The following TEX48 variants were observed in gnomAD, a reference collection of about 807,000 sequenced individuals.
TEX48 encodes the protein testis-expressed protein 48.
TEX48 carries 10 observed loss-of-function variants against 13.2 expected under a neutral mutation model. That is an observed-to-expected ratio of 0.75 (90% CI 0.47 to 1.28). TEX48 has a LOEUF of 1.28. Ranked by LOEUF, TEX48 falls within the 50% of genes most tolerant of loss-of-function variation. The pLI is 0.00. For missense variants in TEX48, 116 were observed against 139.4 expected (o/e 0.83, Z 0.84); for synonymous variants, 45 against 52.3 (o/e 0.86, Z 0.60).
chr9:114,676,443 A>G (rs570777293), intron 1 of TEX48, among the ~76,000 whole-genome samples: 1 of 151,410 alleles, frequency 6.6e-6, no homozygotes, highest in African/African-American at 2.4e-5. Flanking sequence ...GTGCTGGGTT[A>G]TAGGCTTGAG....
intron 1 of TEX48, among the ~76,000 whole-genome samples, chr9:114,680,347 G>A (rs747141317): frequency 2.6e-5 from 4 of 151,894 alleles, no homozygotes; most frequent in East Asian, 1.9e-4. Context: ...GGCTGGTCTC[G>A]AACTCCTGAC....
chr9:114,672,294 T>C (rs1827964253), intron 1 of TEX48, among the ~76,000 whole-genome samples: 1 of 152,220 alleles, frequency 6.6e-6, no homozygotes, highest in Admixed American at 6.5e-5. Flanking sequence ...TCCATGCTTT[T>C]TTCTGTGTCT....
At chr9:114,671,633 C>A in intron 2 of TEX48, 87 bp downstream of exon 2, 1 of 1,530,240 alleles carries the variant, frequency 6.5e-7, no homozygotes, top group South Asian at 1.2e-5. Context: ...ATACTCCTCC[C>A]CTCTCCCAAA....
chr9:114,671,300 A>C, intron 3 of TEX48, 83 bp downstream of exon 3: 3 of 1,465,358 alleles, frequency 2.0e-6, no homozygotes, highest in Non-Finnish European at 2.7e-6. Flanking sequence ...TGATGAAGGC[A>C]GTTTGGGGGT....
At chr9:114,676,313 A>C (rs895947650) in intron 1 of TEX48, among the ~76,000 whole-genome samples, 1 of 151,484 alleles carries the variant, frequency 6.6e-6, no homozygotes, top group African/African-American at 2.4e-5. Context: ...ACAGGCTCGC[A>C]CTACCATGCC....
chr9:114,674,665 C>CTTT (rs1828028205), intron 1 of TEX48, among the ~76,000 whole-genome samples: 4 of 44,306 alleles, frequency 9.0e-5, no homozygotes, highest in Non-Finnish European at 1.7e-4. Flanking sequence ...TTCCTTCCTT[C>CTTT]CTTCTTTCCT....
intron 1 of TEX48, among the ~76,000 whole-genome samples, chr9:114,675,148 A>T (rs928289323): frequency 1.2e-4 from 18 of 152,152 alleles, no homozygotes; most frequent in African/African-American, 4.3e-4. Context: ...TTGTAGAATA[A>T]AAATTGAGGG....
chr9:114,678,443 T>C (rs1050490926), intron 1 of TEX48, among the ~76,000 whole-genome samples: 1 of 152,200 alleles, frequency 6.6e-6, no homozygotes, highest in Admixed American at 6.5e-5. Context: ...AATAGAATCT[T>C]CCCAAATTTC....
intron 1 of TEX48, among the ~76,000 whole-genome samples, chr9:114,678,838 C>CAA (rs34355690): frequency 0.031 from 2,169 of 70,638 alleles, 81 homozygotes; most frequent in African/African-American, 0.077. Flanking sequence ...GATCCTGACT[C>CAA]AAAAAAAAAA....
intron 1 of TEX48, among the ~76,000 whole-genome samples, chr9:114,673,054 C>T (rs907417271): frequency 1.3e-5 from 2 of 152,024 alleles, no homozygotes; most frequent in African/African-American, 4.8e-5. Context: ...ATAACATACG[C>T]GCGTTACTGG....
At chr9:114,674,058 G>A (rs756744627) in intron 1 of TEX48, among the ~76,000 whole-genome samples, 6 of 152,038 alleles carry the variant, frequency 3.9e-5, no homozygotes, top group Non-Finnish European at 8.8e-5. Context: ...CTCCCACATT[G>A]GCCTCAAAAG....
rs1001290849 is a variant in TEX48 at position 114,672,357 on chromosome 9, T to C, written c.-104-530A>G. Among the ~76,000 whole-genome samples the C allele has an allele frequency of 2.7e-4, 41 of 152,210 alleles. 1 individual carries two copies. The highest frequency in any genetic ancestry group is 9.9e-4 in the African/African-American group (41 of 41,468). On this transcript the variant is annotated intron_variant, in intron 1 of 4. Transcript: ENST00000436752. ...AGGCTGGATGATCTCCTCAAGGATC[T>C]TTCTAGTTTTGAAGGTCCAGGATTA...
chr9:114,672,999 G>A (rs906808915), intron 1 of TEX48, among the ~76,000 whole-genome samples: 1 of 152,158 alleles, frequency 6.6e-6, no homozygotes, highest in South Asian at 2.1e-4. Flanking sequence ...GATTTTAAAA[G>A]GATGAAGAGT....
intron 1 of TEX48, among the ~76,000 whole-genome samples, chr9:114,680,121 CTTT>C (rs1222465975): frequency 9.0e-5 from 4 of 44,592 alleles, no homozygotes; most frequent in Admixed American, 2.7e-4. Flanking sequence ...GTCATTGTCC[CTTT>C]TTTTTTTTTT....
intron 1 of TEX48, among the ~76,000 whole-genome samples, chr9:114,674,747 C>T (rs1828030466): frequency 3.3e-5 from 5 of 151,570 alleles, no homozygotes; most frequent in South Asian, 4.2e-4. Context: ...GTGGCACAAT[C>T]ATGGTTCACT....
At chr9:114,677,903 T>C (rs1828106137) in intron 1 of TEX48, among the ~76,000 whole-genome samples, 1 of 152,142 alleles carries the variant, frequency 6.6e-6, no homozygotes, top group South Asian at 2.1e-4. Flanking sequence ...TGCTCTTTCC[T>C]GCTTGTCGTG....
chr9:114,668,265 G>C lies in TEX48; in HGVS notation c.200C>G (p.Ser67Trp). The part of the protein sequence containing the change: ...KRINAVSHLP[S>W]RTPLIQTKKS... ...TTTTGTCTGGATCAGGGGTGTTCTC[G>C]AAGGCAAATGGGAGACTGCGTTAAT... Residue 67 changes from serine (S) to tryptophan (W), a missense_variant, in exon 4 of 5, where the codon TCG becomes TGG. Physicochemically the swap from Ser to Trp is radical, Grantham distance 177 (BLOSUM62 -3). Transcript: ENST00000436752. 6.5e-7 allele frequency: 1 copy of C among 1,535,590 alleles called. No homozygotes were observed. Among genetic ancestry groups the C allele is most frequent in the Non-Finnish European group, 8.7e-7 (1 of 1,146,832 alleles).
intron 1 of TEX48, among the ~76,000 whole-genome samples, chr9:114,675,295 T>G (rs546064097): frequency 6.6e-6 from 1 of 152,352 alleles, no homozygotes; most frequent in East Asian, 1.9e-4. Context: ...CTCATTCACA[T>G]GCTAAGCTTA....
chr9:114,671,588 A>G lies in TEX48; in HGVS notation c.5-83T>C, dbSNP rs769987497. 127 of 1,526,248 alleles carry G rather than the reference A, an allele frequency of 8.3e-5. 1 individual carries two copies. Among genetic ancestry groups the G allele is most frequent in the Admixed American group, 2.4e-4 (12 of 50,816 alleles). 94.5% of individuals were successfully genotyped at this position (1,526,248 alleles called of 1,614,324 possible). On this transcript the variant is annotated intron_variant, in intron 2 of 4. Transcript: ENST00000436752. Reference sequence around the variant, plus strand: ...ATTGGAAATTGACTGTGGTGGGGGTATCATTGGGTCAGCCTCTCCCAAGGC... The same window carrying G: ...ATTGGAAATTGACTGTGGTGGGGGTGTCATTGGGTCAGCCTCTCCCAAGGC...
Sources: allele counts gnomAD v4.1 joint callset (sites outside exome capture counted in the v4.1 genomes callset), GRCh38; gene constraint gnomAD v4.1.1; transcripts MANE v1.5; gene names NCBI Gene and HGNC (gene_info 2026-07-23, HGNC 2026-07-21).